The following PPFIA2 variants were observed in gnomAD, a reference collection of about 807,000 sequenced individuals.
The protein encoded by PPFIA2 is PPFI scaffold protein A2.
PPFIA2 carries 46 observed loss-of-function variants against 175.5 expected under a neutral mutation model. The observed-to-expected ratio is 0.26, with a 90% CI of 0.21 to 0.34. The LOEUF is 0.34. Among genes scored for constraint, PPFIA2 ranks in the 10% least tolerant of loss-of-function variants. PPFIA2 has a pLI of 1.00. For synonymous variants in PPFIA2, 568 were observed against 511.4 expected (o/e 1.11, Z -1.49); for missense variants, 1,179 against 1,506.1 (o/e 0.78, Z 3.60).
At chr12:81,582,187 A>G (rs1595235008) in intron 4 of PPFIA2, among the ~76,000 whole-genome samples, 1 of 151,822 alleles carries the variant, frequency 6.6e-6, no homozygotes, top group African/African-American at 2.4e-5. Flanking sequence ...ACTTTTATGT[A>G]TTCCCACAGG....
intron 4 of PPFIA2, among the ~76,000 whole-genome samples, chr12:81,513,431 C>A (rs114906570): frequency 1.6e-3 from 248 of 151,924 alleles, no homozygotes; most frequent in African/African-American, 5.5e-3. Context: ...AGTCATTATA[C>A]GAAAAAGAAA....
intron 4 of PPFIA2, among the ~76,000 whole-genome samples, chr12:81,536,741 TAAAC>T (rs1375048191): frequency 4.5e-5 from 4 of 89,288 alleles, no homozygotes; most frequent in African/African-American, 1.8e-4. Flanking sequence ...TATATATACA[TAAAC>T]ATATATATAT....
rs373638608 is a variant in PPFIA2, at chr12:81,451,058, T to A, written c.406-5338A>T. On this transcript the variant is annotated intron_variant, in intron 5 of 32. Transcript: ENST00000549396. ...GAATTCATAACTGCCAACTAGGACC[T>A]GTGACTAGTGGAGAAAAGAGGATCA... Among the ~76,000 whole-genome samples the A allele has an allele frequency of 5.3e-5, 8 of 152,252 alleles. No individual in the cohort carries two copies. The South Asian group carries it at 1.5e-3, about 28-fold the overall frequency.
chr12:81,358,711 A>T (rs1394106492), intron 15 of PPFIA2, among the ~76,000 whole-genome samples: 3 of 152,046 alleles, frequency 2.0e-5, no homozygotes, highest in African/African-American at 7.2e-5. Context: ...CACATTGTCT[A>T]TTTTTCACAT....
In PPFIA2 at chr12:81,376,078, A is replaced by G. The variant is rs1306009385; in HGVS notation, c.985-136T>C. ...ATACTCATTCCTTTCTTTTCATTGA[A>G]CGAATGTGAGATTGCAGGTGCATGT... On this transcript the variant is annotated intron_variant, in intron 9 of 32. Transcript: ENST00000549396. The G allele has an allele frequency of 7.3e-6, 6 of 822,602 alleles. No homozygotes were observed. In the East Asian group the frequency reaches 1.3e-4, roughly 18 times the overall value. The allele number at this position is 822,602 out of a possible 1,614,324, so 51.0% of individuals were successfully genotyped here.
chr12:81,455,568 C>T (rs972551866), intron 5 of PPFIA2, among the ~76,000 whole-genome samples: 18 of 152,152 alleles, frequency 1.2e-4, no homozygotes, highest in African/African-American at 4.1e-4. Flanking sequence ...TCACCTTCCT[C>T]CCTTTATTAT....
intron 9 of PPFIA2, among the ~76,000 whole-genome samples, chr12:81,382,503 A>G (rs1293756977): frequency 6.6e-6 from 1 of 152,186 alleles, no homozygotes; most frequent in Non-Finnish European, 1.5e-5. Context: ...GAAATAATCC[A>G]GTGAGAGAAA....
At chr12:81,263,005 G>T (rs2036128518) in intron 31 of PPFIA2, among the ~76,000 whole-genome samples, 1 of 152,084 alleles carries the variant, frequency 6.6e-6, no homozygotes, top group Admixed American at 6.6e-5. Flanking sequence ...TAACCAAATT[G>T]TTCTTTTTGG....
At chr12:81,329,865 C>T (rs1228474992) in intron 21 of PPFIA2, among the ~76,000 whole-genome samples, 26 of 152,182 alleles carry the variant, frequency 1.7e-4, no homozygotes, top group Admixed American at 1.7e-3. Flanking sequence ...GATTAGACCC[C>T]GGGTCCGGGT....
intron 4 of PPFIA2, 64 bp downstream of exon 4, chr12:81,676,727 G>T: frequency 8.6e-7 from 1 of 1,156,254 alleles, no homozygotes. Context: ...GCAATCAACT[G>T]ATAATCTGGT....
chr12:81,614,227 T>C (rs897549492), intron 4 of PPFIA2, among the ~76,000 whole-genome samples: 6 of 152,088 alleles, frequency 3.9e-5, no homozygotes, highest in African/African-American at 1.2e-4. Context: ...GGGGGAAATA[T>C]GACATTAATG....
chr12:81,303,148 A>T (rs1350898555), intron 22 of PPFIA2, among the ~76,000 whole-genome samples: 2 of 152,324 alleles, frequency 1.3e-5, no homozygotes, highest in South Asian at 2.1e-4. Context: ...TGTAGCCAGA[A>T]TTCAACTTTT....
intron 4 of PPFIA2, among the ~76,000 whole-genome samples, chr12:81,543,915 G>A (rs191346620): frequency 5.7e-4 from 87 of 152,204 alleles, no homozygotes; most frequent in African/African-American, 1.9e-3. Context: ...TTCCCAACAC[G>A]TGACTAGTAT....
intron 4 of PPFIA2, chr12:81,465,352 C>T (rs1464197314): frequency 6.6e-6 from 1 of 152,090 alleles, no homozygotes; most frequent in Non-Finnish European, 1.5e-5. Flanking sequence ...ACTGCCAACA[C>T]CCTCACCGAC....
At chr12:81,270,480 A>C (rs2136394408) in intron 28 of PPFIA2, among the ~76,000 whole-genome samples, 1 of 152,234 alleles carries the variant, frequency 6.6e-6, no homozygotes, top group East Asian at 1.9e-4. Context: ...ATTCAATGAG[A>C]CTGTTATCAT....
At chr12:81,684,036 A>G (rs938147352) in intron 3 of PPFIA2, among the ~76,000 whole-genome samples, 1 of 152,116 alleles carries the variant, frequency 6.6e-6, no homozygotes, top group Admixed American at 6.6e-5. Context: ...CCCATGACCC[A>G]AACACCTCAT....
At chr12:81,444,153 C>T (rs927490671) in intron 6 of PPFIA2, among the ~76,000 whole-genome samples, 2 of 152,124 alleles carry the variant, frequency 1.3e-5, no homozygotes, top group African/African-American at 4.8e-5. Context: ...CGCGCCCGGC[C>T]ATGCCAACCT....
rs1335367033 is a variant in PPFIA2, at chr12:81,263,204, A to C, written c.3715+27T>G. 1.9e-6 allele frequency: 3 copies of C among 1,561,550 alleles called. No individual in the cohort carries two copies. In the East Asian group the frequency reaches 6.8e-5, roughly 35 times the overall value. On this transcript the variant is annotated intron_variant, in intron 31 of 32. Transcript: ENST00000549396. ...TTTGGCTAAACAAGCTTTTTGCTTG[A>C]TAAGCAGCAATGCAAAACTACTGTA...
At chr12:81,575,537 G>A (rs2073355184) in intron 4 of PPFIA2, among the ~76,000 whole-genome samples, 1 of 151,766 alleles carries the variant, frequency 6.6e-6, no homozygotes, top group Non-Finnish European at 1.5e-5. Flanking sequence ...CACTATGATA[G>A]ACATCGGTGA....
Sources: gnomAD v4.1 joint callset for allele counts (sites outside exome capture counted in the v4.1 genomes callset) on GRCh38, gnomAD v4.1.1 for gene constraint, MANE v1.5 for transcripts, NCBI Gene and HGNC (gene_info 2026-07-23, HGNC 2026-07-21) for gene names.